CSMD2: variants seen among roughly 807,000 people sequenced by gnomAD.
CSMD2 encodes the protein CUB and sushi domain-containing protein 2.
In CSMD2, 130 loss-of-function variants were observed where a neutral mutation model predicts 398.5. The observed-to-expected ratio is 0.33, with a 90% CI of 0.28 to 0.38. The LOEUF is 0.38. Ranked by LOEUF, CSMD2 falls within the 10% of genes least tolerant of loss-of-function variation. The pLI is 1.00. For synonymous variants in CSMD2, 1,828 were observed against 1,908.5 expected, an observed-to-expected ratio of 0.96 and a Z score of 1.10; for missense variants, 3,829 against 4,764.9, an observed-to-expected ratio of 0.80 and a Z score of 5.78.
At chr1:34,159,116 T>G (rs1641074218) in intron 1 of CSMD2, among the ~76,000 whole-genome samples, 1 of 152,058 alleles carries the variant, frequency 6.6e-6, no homozygotes, top group African/African-American at 2.4e-5. Flanking sequence ...TCAGCACACT[T>G]ACTGAGTGTC....
chr1:34,107,134 G>T (rs1190182690), intron 1 of CSMD2, among the ~76,000 whole-genome samples: 1 of 152,172 alleles, frequency 6.6e-6, no homozygotes, highest in Non-Finnish European at 1.5e-5. Flanking sequence ...TCCTGTCTGG[G>T]TCTTTCAGAG....
intron 12 of CSMD2, among the ~76,000 whole-genome samples, chr1:33,787,601 C>G (rs1017343993): frequency 6.6e-6 from 1 of 152,226 alleles, no homozygotes; most frequent in Non-Finnish European, 1.5e-5. Context: ...CTTTCCCCTC[C>G]ATCTCGCCAC....
chr1:33,560,427 C>G (rs909705299), intron 53 of CSMD2, among the ~76,000 whole-genome samples: 1 of 152,214 alleles, frequency 6.6e-6, no homozygotes, highest in Non-Finnish European at 1.5e-5. Context: ...CTGATTCCCC[C>G]TTTCTCCCAG....
intron 1 of CSMD2, among the ~76,000 whole-genome samples, chr1:34,096,457 G>C (rs992651669): frequency 3.3e-5 from 5 of 151,038 alleles, no homozygotes; most frequent in African/African-American, 9.8e-5. Context: ...ATTAGGAAAA[G>C]AGGAAGTCAA....
At chr1:33,891,006 TA>T (rs1330350403) in intron 5 of CSMD2, among the ~76,000 whole-genome samples, 7 of 152,138 alleles carry the variant, frequency 4.6e-5, no homozygotes, top group Non-Finnish European at 2.9e-5. Context: ...ACTTCATGTC[TA>T]AAACACCAAA....
chr1:33,787,978 A>G (rs1174743148), intron 12 of CSMD2, among the ~76,000 whole-genome samples: 1 of 152,130 alleles, frequency 6.6e-6, no homozygotes, highest in African/African-American at 2.4e-5. Context: ...TTGGGAAGCT[A>G]TTGTCCTCTC....
At chr1:33,589,922 C>A (rs1356925628) in intron 44 of CSMD2, among the ~76,000 whole-genome samples, 5 of 151,848 alleles carry the variant, frequency 3.3e-5, no homozygotes, top group African/African-American at 1.2e-4. Context: ...TTTTATGTAG[C>A]CAATTATAAT....
At chr1:33,709,387 G>C in intron 21 of CSMD2, 129 bp from the exon 22 acceptor site, 1 of 715,456 alleles carries the variant, frequency 1.4e-6, no homozygotes. Flanking sequence ...GTGCCTGCGT[G>C]TCTGTCCAGT....
intron 5 of CSMD2, among the ~76,000 whole-genome samples, chr1:33,915,765 T>A (rs1202120408): frequency 6.6e-6 from 1 of 152,232 alleles, no homozygotes; most frequent in Non-Finnish European, 1.5e-5. Flanking sequence ...ACAAGAGGTC[T>A]GATGAGTAAA....
At chr1:33,945,248 C>T (rs922247913) in intron 3 of CSMD2, among the ~76,000 whole-genome samples, 3 of 152,104 alleles carry the variant, frequency 2.0e-5, no homozygotes, top group Non-Finnish European at 2.9e-5. Flanking sequence ...CAGAAAAACA[C>T]AAACCCTTCT....
chr1:33,945,055 C>T (rs1464385384), intron 3 of CSMD2, among the ~76,000 whole-genome samples: 1 of 151,996 alleles, frequency 6.6e-6, no homozygotes, highest in African/African-American at 2.4e-5. Context: ...CATCATTGCA[C>T]CAGAGGGGCC....
At chr1:33,818,064 G>A (rs1055031732) in intron 9 of CSMD2, among the ~76,000 whole-genome samples, 27 of 152,216 alleles carry the variant, frequency 1.8e-4, no homozygotes, top group African/African-American at 6.5e-4. Flanking sequence ...ATCATCTCTT[G>A]AGAACTAAGA....
rs1658604570 is a variant in CSMD2 at position 34,091,868 on chromosome 1, A to G, written c.188-2675T>C. On this transcript the variant is annotated intron_variant, in intron 1 of 70. Transcript: ENST00000373381. ...CAGAGGTGCCACCATCACCTCTGGG[A>G]TTTCACGGCTTATTGGAAGAGTTAA... Among the ~76,000 whole-genome samples the G allele has an allele frequency of 2.6e-5, 4 of 152,176 alleles. 1 individual carries two copies. The South Asian group carries it at 8.3e-4, about 32-fold the overall frequency.
chr1:34,163,092 G>A lies in CSMD2; in HGVS notation c.187+1819C>T, dbSNP rs989182686. ...GTCGGCCTTTTTCTCTCCCCTAGGGGCAGGATATGCCCAAGGGGCAGGGAC... is the reference window on the plus strand; with the variant it reads ...GTCGGCCTTTTTCTCTCCCCTAGGGACAGGATATGCCCAAGGGGCAGGGAC... On this transcript the variant is annotated intron_variant, in intron 1 of 70. Transcript: ENST00000373381. The surrounding 1 kb of genome is among the most constrained non-coding windows in gnomAD (Gnocchi z 5.4). Among the ~76,000 whole-genome samples the A allele has an allele frequency of 6.6e-6, 1 of 152,198 alleles. No individual in the cohort carries two copies. The highest frequency in any genetic ancestry group is 2.4e-5 in the African/African-American group (1 of 41,458).
chr1:34,043,318 C>G (rs148996364), intron 2 of CSMD2, among the ~76,000 whole-genome samples: 1 of 152,268 alleles, frequency 6.6e-6, no homozygotes, highest in South Asian at 2.1e-4. Context: ...GCCACCCAGG[C>G]GGCCTCCACC....
At chr1:33,992,244 A>C (rs989778411) in intron 3 of CSMD2, among the ~76,000 whole-genome samples, 1 of 152,150 alleles carries the variant, frequency 6.6e-6, no homozygotes, top group East Asian at 1.9e-4. Context: ...TAAGCTCATA[A>C]AAGTGCATTG....
intron 1 of CSMD2, among the ~76,000 whole-genome samples, chr1:34,098,420 AAAATAAAT>A (rs543572326): frequency 6.2e-4 from 93 of 150,638 alleles, no homozygotes; most frequent in Non-Finnish European, 1.0e-3. Context: ...TAATAATAAA[AAAATAAAT>A]AAATAAATAA....
chr1:33,999,036 G>C (rs547890535), intron 3 of CSMD2, among the ~76,000 whole-genome samples: 2 of 152,320 alleles, frequency 1.3e-5, no homozygotes, highest in African/African-American at 4.8e-5. Flanking sequence ...GGTATGGCCA[G>C]CCTCTCTGAT....
At chr1:33,645,090 A>T (rs1424175121) in intron 29 of CSMD2, among the ~76,000 whole-genome samples, 1 of 152,124 alleles carries the variant, frequency 6.6e-6, no homozygotes. Context: ...AATTAGTGTT[A>T]TGTGTGAGCT....
Sources: gnomAD v4.1 joint callset for allele counts (sites outside exome capture counted in the v4.1 genomes callset) on GRCh38, gnomAD v4.1.1 for gene constraint, Gnocchi (gnomAD v3.1) non-coding constraint, MANE v1.5 for transcripts, NCBI Gene and HGNC (gene_info 2026-07-23, HGNC 2026-07-21) for gene names.